The following LRRTM4 variants were observed in gnomAD, a reference collection of about 807,000 sequenced individuals.
LRRTM4 encodes leucine rich repeat transmembrane neuronal 4.
LRRTM4 carries 25 observed loss-of-function variants against 47.6 expected under a neutral mutation model. The ratio of observed to expected loss-of-function variants is 0.53; its 90% CI spans 0.38 to 0.73. LRRTM4 has a LOEUF of 0.73. LRRTM4 is among the 30% of genes least tolerant of loss of function. The pLI is 0.00. For missense variants in LRRTM4, 638 were observed against 713.4 expected (o/e 0.89, Z 1.20); for synonymous variants, 311 against 269.5 (o/e 1.15, Z -1.51).
intron 3 of LRRTM4, among the ~76,000 whole-genome samples, chr2:77,079,897 T>A (rs1572935449): frequency 6.6e-6 from 1 of 152,086 alleles, no homozygotes; most frequent in African/African-American, 2.4e-5. Flanking sequence ...ATTTTAAATT[T>A]AATTTTATAT....
chr2:77,092,274 G>A (rs1480841525), intron 3 of LRRTM4, among the ~76,000 whole-genome samples: 1 of 151,844 alleles, frequency 6.6e-6, no homozygotes, highest in Non-Finnish European at 1.5e-5. Context: ...CCCCATGACT[G>A]TATCTCTGTG....
chr2:76,817,415 G>T (rs1192830823), intron 3 of LRRTM4, among the ~76,000 whole-genome samples: 1 of 151,908 alleles, frequency 6.6e-6, no homozygotes, highest in African/African-American at 2.4e-5. Flanking sequence ...GTGAAGTTGG[G>T]GTGAGCATGT....
intron 3 of LRRTM4, among the ~76,000 whole-genome samples, chr2:77,140,916 A>G (rs77767854): frequency 0.35 from 53,906 of 152,006 alleles, 10,532 homozygotes; most frequent in African/African-American, 0.52. Context: ...TCAAAACCAC[A>G]GTGAGATACC....
chr2:77,360,554 ATAC>A lies in LRRTM4; in HGVS notation c.1551+157761_1551+157763del, dbSNP rs2104314746. Among the ~76,000 whole-genome samples, 5 of 136,384 alleles carry A rather than the reference ATAC, an allele frequency of 3.7e-5. No individual in the cohort carries two copies. In the South Asian group the frequency reaches 1.1e-3, roughly 31 times the overall value. The allele number at this position is 136,384 out of a possible 152,430, so 89.5% of individuals were successfully genotyped here. A position where few individuals can be genotyped will look rare whatever the true frequency, so the allele number is the denominator to read the frequency against. ...TACGATACAATACAATCATTCATAC[ATAC>A]ATACATACATACATACATACATACA... On this transcript the variant is annotated intron_variant, in intron 3 of 3. Transcript: ENST00000409884.
Position 76,919,690 on chromosome 2 carries a change from A to C in LRRTM4, c.1552-170774T>G, listed in dbSNP as rs963483480. Among the ~76,000 whole-genome samples, 9 of 152,288 alleles carry C rather than the reference A, an allele frequency of 5.9e-5. No homozygotes were observed. In the East Asian group the frequency reaches 1.5e-3, roughly 26 times the overall value. ...GAATGGCTTTACGTGAAATATATTA[A>C]TAAATTCTATTTTTACAGCCATTTT... On this transcript the variant is annotated intron_variant, in intron 3 of 3. Coordinates refer to ENST00000409884, the MANE Select transcript of LRRTM4 (RefSeq NM_001134745.3).
intron 3 of LRRTM4, among the ~76,000 whole-genome samples, chr2:77,044,687 C>A (rs1365276897): frequency 2.0e-5 from 3 of 151,168 alleles, no homozygotes; most frequent in Non-Finnish European, 4.4e-5. Context: ...ACACATATTA[C>A]AAAATATATA....
At chr2:77,491,729 G>C (rs1678171347) in intron 3 of LRRTM4, among the ~76,000 whole-genome samples, 1 of 151,810 alleles carries the variant, frequency 6.6e-6, no homozygotes, top group Non-Finnish European at 1.5e-5. Context: ...AAGAGGGAAA[G>C]AGTAAAGGAA....
chr2:77,296,740 G>A (rs1381453809), intron 3 of LRRTM4, among the ~76,000 whole-genome samples: 6 of 152,162 alleles, frequency 3.9e-5, no homozygotes, highest in African/African-American at 1.4e-4. Context: ...TCCCCAGAGT[G>A]AGCTGGGCCA....
intron 3 of LRRTM4, among the ~76,000 whole-genome samples, chr2:77,497,067 T>C (rs1678390802): frequency 1.3e-5 from 2 of 151,706 alleles, no homozygotes; most frequent in African/African-American, 4.8e-5. Context: ...ACCTAAGTTA[T>C]TAAAGTAATC....
At chr2:77,041,388 G>C (rs1679027699) in intron 3 of LRRTM4, among the ~76,000 whole-genome samples, 1 of 151,390 alleles carries the variant, frequency 6.6e-6, no homozygotes, top group Non-Finnish European at 1.5e-5. Flanking sequence ...GGGAGTACAG[G>C]TACCTCCTTC....
At chr2:76,965,310 T>C (rs1302643511) in intron 3 of LRRTM4, among the ~76,000 whole-genome samples, 2 of 151,240 alleles carry the variant, frequency 1.3e-5, no homozygotes, top group East Asian at 3.9e-4. Context: ...CAACAAAATA[T>C]TAGCAAATTG....
At chr2:76,896,606 T>C (rs1673426240) in intron 3 of LRRTM4, among the ~76,000 whole-genome samples, 1 of 152,002 alleles carries the variant, frequency 6.6e-6, no homozygotes, top group Non-Finnish European at 1.5e-5. Flanking sequence ...GTCAATTGTT[T>C]AGAGAGTTTT....
At chr2:76,781,922 A>T (rs2104163745) in intron 3 of LRRTM4, among the ~76,000 whole-genome samples, 2 of 152,278 alleles carry the variant, frequency 1.3e-5, no homozygotes, top group Non-Finnish European at 2.9e-5. Context: ...CTTGATCATC[A>T]GAAGCTGCTT....
chr2:77,165,354 C>A (rs577237769), intron 3 of LRRTM4, among the ~76,000 whole-genome samples: 1 of 152,008 alleles, frequency 6.6e-6, no homozygotes, highest in Non-Finnish European at 1.5e-5. Flanking sequence ...CCAGGACCGA[C>A]AGATTCACAG....
intron 3 of LRRTM4, among the ~76,000 whole-genome samples, chr2:76,894,700 T>C (rs1326699006): frequency 3.9e-5 from 6 of 151,976 alleles, no homozygotes; most frequent in African/African-American, 1.4e-4. Context: ...ACTTTTTCTT[T>C]TGTGACCTGG....
chr2:77,517,113 T>C, intron 3 of LRRTM4: 1 of 985,172 alleles, frequency 1.0e-6, no homozygotes, highest in Non-Finnish European at 1.2e-6. Context: ...TTGCACATAA[T>C]GATCAACATT....
chr2:76,915,505 A>G (rs942832430), intron 3 of LRRTM4, among the ~76,000 whole-genome samples: 3 of 152,194 alleles, frequency 2.0e-5, no homozygotes, highest in Non-Finnish European at 4.4e-5. Context: ...ACATATTACT[A>G]GAGTTAATGG....
chr2:77,306,898 T>TATATATATATATATATATATA (rs1491493424), intron 3 of LRRTM4, among the ~76,000 whole-genome samples: 1 of 81,446 alleles, frequency 1.2e-5, no homozygotes, highest in African/African-American at 6.8e-5. Flanking sequence ...CTTTTCCATA[T>TATATATATATATATATATATA]TTTTTTTTTT....
intron 3 of LRRTM4, among the ~76,000 whole-genome samples, chr2:76,893,609 A>G (rs974634366): frequency 6.6e-6 from 1 of 151,436 alleles, no homozygotes; most frequent in African/African-American, 2.4e-5. Context: ...CAGTTAAGAC[A>G]TGCATCTTCC....
Sources: allele counts gnomAD v4.1 joint callset (sites outside exome capture counted in the v4.1 genomes callset), GRCh38; gene constraint gnomAD v4.1.1; transcripts MANE v1.5; gene names NCBI Gene and HGNC (gene_info 2026-07-23, HGNC 2026-07-21).